TLCD4: variants seen among roughly 807,000 people sequenced by gnomAD.
TLCD4 encodes TLC domain containing 4, also known as TLC domain-containing protein 4.
In TLCD4, 7 loss-of-function variants were observed where a neutral mutation model predicts 24.2. The ratio of observed to expected loss-of-function variants is 0.29; its 90% CI spans 0.16 to 0.54. The LOEUF is 0.54. Among genes scored for constraint, TLCD4 ranks in the 20% least tolerant of loss-of-function variants. The pLI is 0.95. For missense variants in TLCD4, 259 were observed against 313.9 expected, an observed-to-expected ratio of 0.82 and a Z score of 1.32; for synonymous variants, 103 against 106.4, an observed-to-expected ratio of 0.97 and a Z score of 0.20.
At chr1:95,151,777 C>A (rs1677500175) in intron 5 of TLCD4, among the ~76,000 whole-genome samples, 1 of 152,090 alleles carries the variant, frequency 6.6e-6, no homozygotes, top group Non-Finnish European at 1.5e-5. Context: ...GAAAATATTT[C>A]TTTTCTGTTT....
upstream of TLCD4, among the ~76,000 whole-genome samples, chr1:95,114,056 G>GGTTT (rs745315471): frequency 3.4e-4 from 51 of 151,988 alleles, no homozygotes; most frequent in Non-Finnish European, 6.2e-4. Flanking sequence ...AAAACCTTTT[G>GGTTT]GTTTGTTTGT....
rs72722148 is a variant in TLCD4 at position 95,158,723 on chromosome 1, C to T, written c.399+7304C>T. ...CCATCCTGTGTCCAAGTGTTCTTAT[C>T]GGTCACTTCTCACCTATGAGTGAGA... is the stretch of plus-strand genomic sequence containing the variant. On this transcript the variant is annotated intron_variant, in intron 5 of 6. Coordinates refer to ENST00000370203, the MANE Select transcript of TLCD4 (RefSeq NM_152487.3). 9.8e-3 allele frequency among the ~76,000 whole-genome samples: 1,399 copies of T among 142,642 alleles called. 13 individuals carry two copies. Among genetic ancestry groups the T allele is most frequent in the African/African-American group, 0.023 (887 of 38,588 alleles). The allele number at this position is 142,642 out of a possible 152,430, so 93.6% of individuals were successfully genotyped here. A position where few individuals can be genotyped will look rare whatever the true frequency, so the allele number is the denominator to read the frequency against.
chr1:95,149,498 C>T (rs576189496), intron 3 of TLCD4, among the ~76,000 whole-genome samples: 2 of 152,168 alleles, frequency 1.3e-5, no homozygotes, highest in South Asian at 2.1e-4. Context: ...TTGACCACCA[C>T]CATTTGACTG....
intron 5 of TLCD4, among the ~76,000 whole-genome samples, chr1:95,171,685 A>G (rs1678232320): frequency 6.6e-6 from 1 of 152,188 alleles, no homozygotes; most frequent in African/African-American, 2.4e-5. Flanking sequence ...ATATAATGAT[A>G]TGTTATAGAC....
the TLCD4 span, among the ~76,000 whole-genome samples, chr1:95,101,978 G>A: frequency 6.6e-6 from 1 of 152,144 alleles, no homozygotes; most frequent in African/African-American, 2.4e-5. Context: ...GTAGGTTTGA[G>A]CTCAAATGGT....
intron 5 of TLCD4, among the ~76,000 whole-genome samples, chr1:95,152,314 T>C (rs1170213715): frequency 6.6e-6 from 1 of 152,066 alleles, no homozygotes. Flanking sequence ...TGCATTTTGT[T>C]ATTCCAAGTA....
chr1:95,173,428 G>A (rs1678300575), intron 5 of TLCD4, among the ~76,000 whole-genome samples: 1 of 152,090 alleles, frequency 6.6e-6, no homozygotes, highest in Admixed American at 6.5e-5. Context: ...TCCTGCCTCA[G>A]CCTCCCGAGT....
chr1:95,167,074 A>T (rs980221315), intron 5 of TLCD4, among the ~76,000 whole-genome samples: 1 of 151,878 alleles, frequency 6.6e-6, no homozygotes, highest in African/African-American at 2.4e-5. Flanking sequence ...TGAGTGCCGC[A>T]TACTGATGGC....
At chr1:95,125,122 C>T (rs1364848497) in intron 1 of TLCD4, among the ~76,000 whole-genome samples, 1 of 152,158 alleles carries the variant, frequency 6.6e-6, no homozygotes, top group African/African-American at 2.4e-5. Context: ...CTTCCATGAC[C>T]ACATTCACCA....
chr1:95,096,484 A>C, the TLCD4 span, among the ~76,000 whole-genome samples: 1 of 152,192 alleles, frequency 6.6e-6, no homozygotes, highest in Non-Finnish European at 1.5e-5. Context: ...CGGAAGGGAC[A>C]GTAAGAACTT....
intron 2 of TLCD4, among the ~76,000 whole-genome samples, chr1:95,145,037 A>G (rs1230064368): frequency 6.6e-6 from 1 of 152,214 alleles, no homozygotes; most frequent in African/African-American, 2.4e-5. Context: ...TGTACAACTT[A>G]TTAATCTCAC....
At chr1:95,184,695 T>C (rs1232377345) in intron 6 of TLCD4, among the ~76,000 whole-genome samples, 1 of 152,184 alleles carries the variant, frequency 6.6e-6, no homozygotes, top group Non-Finnish European at 1.5e-5. Flanking sequence ...TGTTCTTCTT[T>C]CCTTCCTTCC....
At chr1:95,135,377 G>A (rs1677012530) in intron 1 of TLCD4, among the ~76,000 whole-genome samples, 1 of 149,918 alleles carries the variant, frequency 6.7e-6, no homozygotes, top group Non-Finnish European at 1.5e-5. Flanking sequence ...TAAGTTCCTG[G>A]TCTCATTTTT....
In TLCD4 at chr1:95,119,812, C is replaced by T. The variant is rs577842835; in HGVS notation, c.-12+2195C>T. Among the ~76,000 whole-genome samples, 3 of 151,296 alleles carry T rather than the reference C, an allele frequency of 2.0e-5. No individual in the cohort carries two copies. In the South Asian group the frequency reaches 6.2e-4, roughly 31 times the overall value. On this transcript the variant is annotated intron_variant, in intron 1 of 6. Coordinates refer to ENST00000370203, the MANE Select transcript of TLCD4 (RefSeq NM_152487.3). The stretch of plus-strand genomic sequence containing the variant: ...CTCTTTAGACCTCAGTGTCTCTCCC[C>T]ACCCTTCTTTCCAAATTAGTCCCAC...
intron 5 of TLCD4, among the ~76,000 whole-genome samples, chr1:95,163,016 T>C (rs1422670175): frequency 6.6e-6 from 1 of 152,192 alleles, no homozygotes; most frequent in Non-Finnish European, 1.5e-5. Flanking sequence ...CTTTGTGGTG[T>C]TCTCTGTATT....
intron 2 of TLCD4, among the ~76,000 whole-genome samples, 186 bp from the exon 3 acceptor site, chr1:95,148,516 A>G (rs1452167315): frequency 6.6e-6 from 1 of 152,230 alleles, no homozygotes; most frequent in Non-Finnish European, 1.5e-5. Context: ...ATTCCAAAGT[A>G]AAGCTGTGGC....
rs933225008 is a variant in TLCD4 at position 95,117,366 on chromosome 1, C to G, written c.-263C>G. ...GCCGCGGCCCCTTTAAGGAGCAGCT[C>G]TGCGGTAACCCGAGCCCGCAGTCCG... On this transcript the variant is annotated 5_prime_UTR_variant, in exon 1 of 7. Transcript: ENST00000370203. The G allele has an allele frequency of 2.6e-5, 4 of 152,166 alleles. No individual in the cohort carries two copies. The highest frequency in any genetic ancestry group is 4.4e-5 in the Non-Finnish European group (3 of 68,036). 9.4% of individuals were successfully genotyped at this position (152,166 alleles called of 1,614,324 possible).
At chr1:95,186,490 TAGAG>T (rs556897616) in intron 6 of TLCD4, among the ~76,000 whole-genome samples, 44 of 152,256 alleles carry the variant, frequency 2.9e-4, no homozygotes, top group East Asian at 1.2e-3. Context: ...TGGAGGCTGA[TAGAG>T]AGAGATTTGA....
chr1:95,184,986 C>G (rs1221930185), intron 6 of TLCD4, among the ~76,000 whole-genome samples: 1 of 151,620 alleles, frequency 6.6e-6, no homozygotes, highest in Non-Finnish European at 1.5e-5. Flanking sequence ...CAGAAGCTAA[C>G]ACTATGGTTA....
Sources: gnomAD v4.1 joint callset for allele counts (sites outside exome capture counted in the v4.1 genomes callset) on GRCh38, gnomAD v4.1.1 for gene constraint, MANE v1.5 for transcripts, NCBI Gene and HGNC (gene_info 2026-07-23, HGNC 2026-07-21) for gene names.